ARB2A: variants seen among roughly 807,000 people sequenced by gnomAD.
ARB2A encodes cotranscriptional regulator ARB2A.
the ARB2A span, among the ~76,000 whole-genome samples, chr5:94,053,740 CA>C: frequency 6.6e-6 from 1 of 151,930 alleles, no homozygotes; most frequent in Non-Finnish European, 1.5e-5. Flanking sequence ...TCCATGCAAC[CA>C]AAAAAACTCT....
At chr5:93,995,867 CAAACA>C in the ARB2A span, among the ~76,000 whole-genome samples, 1 of 152,122 alleles carries the variant, frequency 6.6e-6, no homozygotes, top group African/African-American at 2.4e-5. Flanking sequence ...CAAATCATCA[CAAACA>C]AAACAAAACT....
chr5:93,653,995 A>T, the ARB2A span, among the ~76,000 whole-genome samples: 1 of 152,226 alleles, frequency 6.6e-6, no homozygotes, highest in Non-Finnish European at 1.5e-5. Context: ...GCATTTTAAA[A>T]TAATTTAGTT....
the ARB2A span, chr5:94,111,596 G>A: frequency 1.3e-5 from 2 of 152,408 alleles, no homozygotes; most frequent in African/African-American, 2.4e-5. Flanking sequence ...TCCCTCGTGC[G>A]GTTGTTATGA....
chr5:93,647,160 T>C, the ARB2A span, among the ~76,000 whole-genome samples: 1 of 152,218 alleles, frequency 6.6e-6, no homozygotes, highest in Non-Finnish European at 1.5e-5. Context: ...TGTATTAACA[T>C]GTTCATCTTG....
At chr5:93,805,182 T>C in the ARB2A span, 1 of 985,072 alleles carries the variant, frequency 1.0e-6, no homozygotes, top group Non-Finnish European at 1.2e-6. Flanking sequence ...ATATGATGCT[T>C]TGTTAAAGGG....
chr5:93,757,983 T>C, the ARB2A span, among the ~76,000 whole-genome samples: 29 of 152,254 alleles, frequency 1.9e-4, no homozygotes, highest in South Asian at 5.8e-3. Context: ...CAACCAACTA[T>C]CTGCTGCCTT....
chr5:93,855,350 G>T, the ARB2A span, among the ~76,000 whole-genome samples: 1 of 152,102 alleles, frequency 6.6e-6, no homozygotes, highest in Non-Finnish European at 1.5e-5. Context: ...GCCTATGTGT[G>T]TCTCTGCATG....
At chr5:93,656,455 G>GT in the ARB2A span, among the ~76,000 whole-genome samples, 3 of 152,108 alleles carry the variant, frequency 2.0e-5, no homozygotes, top group Non-Finnish European at 4.4e-5. Context: ...TTTTAACTGT[G>GT]TATTTGGTTA....
chr5:93,735,161 T>C, the ARB2A span: 1 of 152,248 alleles, frequency 6.6e-6, no homozygotes, highest in Non-Finnish European at 1.5e-5. Flanking sequence ...TAAGGGTAGT[T>C]ATTCTTCTGT....
At chr5:94,053,260 T>C in the ARB2A span, 1 of 1,115,814 alleles carries the variant, frequency 9.0e-7, no homozygotes, top group East Asian at 2.5e-5. Flanking sequence ...TTTACTTATA[T>C]TCATTTTCAT....
the ARB2A span, among the ~76,000 whole-genome samples, chr5:93,987,668 G>T: frequency 2.0e-5 from 3 of 152,126 alleles, no homozygotes; most frequent in African/African-American, 7.2e-5. Context: ...ATCCCCTAAG[G>T]TGTTACTCTA....
chr5:93,834,542 A>C, the ARB2A span, among the ~76,000 whole-genome samples: 1 of 152,226 alleles, frequency 6.6e-6, no homozygotes, highest in Non-Finnish European at 1.5e-5. Flanking sequence ...TACTATATAC[A>C]GTGTTTAAGA....
chr5:94,064,121 A>C, the ARB2A span, among the ~76,000 whole-genome samples: 1 of 152,130 alleles, frequency 6.6e-6, no homozygotes, highest in Non-Finnish European at 1.5e-5. Flanking sequence ...TCAGGATATG[A>C]ATGAGAAATT....
At chr5:93,690,529 T>A in the ARB2A span, among the ~76,000 whole-genome samples, 1 of 152,108 alleles carries the variant, frequency 6.6e-6, no homozygotes, top group African/African-American at 2.4e-5. Context: ...GCAGGGCATC[T>A]CTGAAAGAAA....
At chr5:93,935,852 T>G in the ARB2A span, among the ~76,000 whole-genome samples, 2 of 152,066 alleles carry the variant, frequency 1.3e-5, no homozygotes, top group Non-Finnish European at 1.5e-5. Flanking sequence ...TTATTTTGTG[T>G]TTTTTTACAA....
chr5:94,031,868 C>A, the ARB2A span, among the ~76,000 whole-genome samples: 1 of 152,202 alleles, frequency 6.6e-6, no homozygotes, highest in Non-Finnish European at 1.5e-5. Context: ...AAGCCATAAA[C>A]CTTTGTGGCA....
the ARB2A span, chr5:93,619,174 G>C: frequency 9.2e-5 from 14 of 152,278 alleles, no homozygotes; most frequent in Middle Eastern, 6.8e-3. Flanking sequence ...TTCTAAAATA[G>C]TAATGATTGG....
the ARB2A span, among the ~76,000 whole-genome samples, chr5:93,995,971 T>C: frequency 2.0e-5 from 3 of 152,158 alleles, no homozygotes; most frequent in African/African-American, 7.2e-5. Flanking sequence ...CCCTTCTTCA[T>C]TTTCTTCCAA....
chr5:93,945,161 G>T, the ARB2A span, among the ~76,000 whole-genome samples: 1 of 152,112 alleles, frequency 6.6e-6, no homozygotes, highest in Non-Finnish European at 1.5e-5. Flanking sequence ...GTAATCTATA[G>T]GCCACGTGTG....
Sources: gnomAD v4.1 joint callset for allele counts (sites outside exome capture counted in the v4.1 genomes callset) on GRCh38, gnomAD v4.1.1 for gene constraint, MANE v1.5 for transcripts, NCBI Gene and HGNC (gene_info 2026-07-23, HGNC 2026-07-21) for gene names.